The following DPP10 variants were observed in gnomAD, a reference collection of about 807,000 sequenced individuals.
DPP10 encodes the protein dipeptidyl peptidase like 10.
In DPP10, 33 loss-of-function variants were observed where a neutral mutation model predicts 120.9. That is an observed-to-expected ratio of 0.27 (90% CI 0.21 to 0.37). The LOEUF is 0.37. DPP10 is among the 10% of genes least tolerant of loss of function. DPP10 has a pLI of 1.00. For synonymous variants in DPP10, 337 were observed against 326.1 expected, an observed-to-expected ratio of 1.03 and a Z score of -0.36; for missense variants, 816 against 942.8, an observed-to-expected ratio of 0.87 and a Z score of 1.76.
At chr2:115,790,030 G>A (rs1683770543) in intron 17 of DPP10, among the ~76,000 whole-genome samples, 1 of 151,128 alleles carries the variant, frequency 6.6e-6, no homozygotes, top group Admixed American at 6.6e-5. Flanking sequence ...ATGTATATAT[G>A]CAAACATATA....
rs1678717755 is a variant in DPP10, at chr2:114,747,816, C to T, written c.60+304978C>T. 2.6e-5 allele frequency among the ~76,000 whole-genome samples: 4 copies of T among 152,220 alleles called. No individual in the cohort carries two copies. The South Asian group carries it at 8.3e-4, about 32-fold the overall frequency. ...CTTATTTGAACTTTGCACTTCTGTTCTAAATTTTCTAGGGAACTTTTTTTT... is the reference window on the plus strand; with the variant it reads ...CTTATTTGAACTTTGCACTTCTGTTTTAAATTTTCTAGGGAACTTTTTTTT... On this transcript the variant is annotated intron_variant, in intron 1 of 25. Transcript: ENST00000410059.
At chr2:114,766,574 A>G (rs748706857) in intron 1 of DPP10, among the ~76,000 whole-genome samples, 7 of 149,572 alleles carry the variant, frequency 4.7e-5, no homozygotes, top group Admixed American at 6.9e-5. Flanking sequence ...ATGCATTCAC[A>G]CAATGGAATA....
chr2:114,601,834 G>A (rs1692391758), intron 1 of DPP10, among the ~76,000 whole-genome samples: 1 of 151,862 alleles, frequency 6.6e-6, no homozygotes, highest in Non-Finnish European at 1.5e-5. Context: ...TTCATAGTTG[G>A]GAGTGCCACT....
At chr2:115,103,843 G>GATAAT (rs1266190546) in intron 1 of DPP10, among the ~76,000 whole-genome samples, 3 of 152,170 alleles carry the variant, frequency 2.0e-5, no homozygotes, top group Non-Finnish European at 4.4e-5. Flanking sequence ...AACCAGGAAT[G>GATAAT]TACTGGTTGA....
intron 1 of DPP10, among the ~76,000 whole-genome samples, chr2:114,613,412 C>A (rs1179749035): frequency 6.6e-6 from 1 of 152,064 alleles, no homozygotes; most frequent in Non-Finnish European, 1.5e-5. Flanking sequence ...GAATTAAAAC[C>A]CAACCTTTTC....
chr2:115,289,304 A>G (rs1480976268), intron 1 of DPP10, among the ~76,000 whole-genome samples: 1 of 152,058 alleles, frequency 6.6e-6, no homozygotes, highest in Non-Finnish European at 1.5e-5. Context: ...ATGGACAAAC[A>G]GACAACACAA....
chr2:115,397,984 T>C lies in DPP10; in HGVS notation c.271+54072T>C, dbSNP rs558724780. The stretch of plus-strand genomic sequence containing the variant: ...TGAGAGTCGATACGGCAACATCACA[T>C]AGAAAAAATGTTCACGGCCAATTTC... On this transcript the variant is annotated intron_variant, in intron 3 of 25. Coordinates refer to ENST00000410059, the MANE Select transcript of DPP10 (RefSeq NM_020868.6). Among the ~76,000 whole-genome samples, 9 of 152,258 alleles carry C rather than the reference T, an allele frequency of 5.9e-5. No homozygotes were observed. The South Asian group carries it at 1.2e-3, about 21-fold the overall frequency.
chr2:115,826,041 A>C (rs1307767001), intron 21 of DPP10, among the ~76,000 whole-genome samples: 1 of 152,228 alleles, frequency 6.6e-6, no homozygotes, highest in African/African-American at 2.4e-5. Context: ...TTGAGGTTAC[A>C]TTTTGTTGTC....
At chr2:114,868,234 C>T (rs753261910) in intron 1 of DPP10, among the ~76,000 whole-genome samples, 14 of 152,110 alleles carry the variant, frequency 9.2e-5, no homozygotes, top group Non-Finnish European at 1.8e-4. Flanking sequence ...CTTGATTAGG[C>T]CTCCTTCTCC....
intron 1 of DPP10, among the ~76,000 whole-genome samples, chr2:115,138,779 A>C (rs2050774554): frequency 6.6e-6 from 1 of 152,194 alleles, no homozygotes; most frequent in African/African-American, 2.4e-5. Context: ...TTACATCTAG[A>C]ATTGTACTTG....
intron 1 of DPP10, among the ~76,000 whole-genome samples, chr2:114,915,181 A>G: frequency 6.6e-6 from 1 of 152,234 alleles, no homozygotes; most frequent in Non-Finnish European, 1.5e-5. Flanking sequence ...TATCAAGAAA[A>G]TGGAAAACAA....
chr2:115,260,266 C>T (rs2059195503), intron 1 of DPP10, among the ~76,000 whole-genome samples: 1 of 152,008 alleles, frequency 6.6e-6, no homozygotes, highest in African/African-American at 2.4e-5. Flanking sequence ...TAATATCAGA[C>T]TGTTTTACAT....
intron 1 of DPP10, among the ~76,000 whole-genome samples, chr2:115,091,397 C>G (rs998564409): frequency 1.3e-5 from 2 of 152,176 alleles, no homozygotes; most frequent in African/African-American, 4.8e-5. Context: ...TAAATATCAG[C>G]TTTAATCATC....
intron 1 of DPP10, among the ~76,000 whole-genome samples, chr2:114,767,984 C>T (rs940819387): frequency 6.6e-6 from 1 of 151,792 alleles, no homozygotes; most frequent in African/African-American, 2.4e-5. Flanking sequence ...AAAAATTAGC[C>T]GGGCATGGTG....
chr2:115,811,791 T>C (rs1686676407), intron 19 of DPP10, among the ~76,000 whole-genome samples: 1 of 152,118 alleles, frequency 6.6e-6, no homozygotes, highest in Non-Finnish European at 1.5e-5. Flanking sequence ...ATCTAGAAAA[T>C]GGGATTACCT....
intron 1 of DPP10, among the ~76,000 whole-genome samples, chr2:115,056,682 C>T (rs1705944378): frequency 6.6e-6 from 1 of 152,142 alleles, no homozygotes; most frequent in African/African-American, 2.4e-5. Context: ...TATCTAAGAG[C>T]AATGCCAACG....
intron 1 of DPP10, among the ~76,000 whole-genome samples, chr2:114,474,743 G>C (rs1680231988): frequency 6.6e-6 from 1 of 152,204 alleles, no homozygotes; most frequent in Non-Finnish European, 1.5e-5. Context: ...CCTTGGGGGA[G>C]AAACACACCC....
At chr2:115,677,363 C>G (rs191323061) in intron 5 of DPP10, among the ~76,000 whole-genome samples, 15 of 152,096 alleles carry the variant, frequency 9.9e-5, no homozygotes, top group African/African-American at 3.4e-4. Flanking sequence ...AAGAAAGAAA[C>G]AAAGAATTTG....
chr2:115,373,411 T>C (rs1043931069), intron 3 of DPP10, among the ~76,000 whole-genome samples: 1 of 152,152 alleles, frequency 6.6e-6, no homozygotes, highest in Non-Finnish European at 1.5e-5. Context: ...AATGTTAGAA[T>C]AGTAGATTTG....
Sources: gnomAD v4.1 joint callset for allele counts (sites outside exome capture counted in the v4.1 genomes callset) on GRCh38, gnomAD v4.1.1 for gene constraint, MANE v1.5 for transcripts, NCBI Gene and HGNC (gene_info 2026-07-23, HGNC 2026-07-21) for gene names.